The following TMC2 variants were observed in gnomAD, a reference collection of about 807,000 sequenced individuals.
TMC2 encodes transmembrane channel like 2.
A neutral mutation model predicts 105.9 loss-of-function variants in TMC2; 102 were observed. That is an observed-to-expected ratio of 0.96 (90% confidence interval 0.82 to 1.14). The LOEUF (loss-of-function observed/expected upper bound fraction) is 1.14. Ranked by LOEUF, TMC2 falls within the 50% of genes most tolerant of loss-of-function variation. The pLI is 0.00. For synonymous variants in TMC2, 402 were observed against 422.8 expected (o/e 0.95, Z 0.60); for missense variants, 1,093 against 1,134.3 (o/e 0.96, Z 0.52).
intron 5 of TMC2, 27 bp downstream of exon 5, chr20:2,572,296 G>C (rs11906009): frequency 0.1 from 162,676 of 1,559,140 alleles, 9,661 homozygotes; most frequent in African/African-American, 0.21. Flanking sequence ...CAGTGAATCT[G>C]TTGGGAGGGC....
chr20:2,572,079 A>G, intron 4 of TMC2, 100 bp from the exon 5 acceptor site: 1 of 885,716 alleles, frequency 1.1e-6, no homozygotes, highest in Non-Finnish European at 1.8e-6. Flanking sequence ...GGGGTATACA[A>G]AGACATAAGC....
chr20:2,592,370 G>A lies in TMC2; in HGVS notation c.895G>A (p.Glu299Lys). ...PRKTVPRAEE[E>K]KAMDFSVLWD... ...AAAGACAGTGCCTCGGGCTGAGGAA[G>A]AAAAGGCCATGGATTTTTCTGTCCT... The change falls in exon 8 of 20, where the codon GAA becomes AAA. Residue 299 changes from glutamate (E) to lysine (K), a missense_variant. Transcript: ENST00000358864. This position sits in a 1 kb window ranked among gnomAD's most constrained non-coding sequence, Gnocchi z 4.9. The A allele has an allele frequency of 2.5e-6, 4 of 1,614,088 alleles. No homozygotes were observed. In the East Asian group the frequency reaches 8.9e-5, roughly 36 times the overall value.
intron 5 of TMC2, among the ~76,000 whole-genome samples, chr20:2,575,833 T>G (rs2086140547): frequency 6.6e-6 from 1 of 152,188 alleles, no homozygotes; most frequent in South Asian, 2.1e-4. Context: ...TTCCTCTGTG[T>G]CAATTATAGT....
At chr20:2,595,313 G>A (rs1054942251) in intron 9 of TMC2, among the ~76,000 whole-genome samples, 36 of 152,324 alleles carry the variant, frequency 2.4e-4, no homozygotes, top group Admixed American at 3.9e-4. Flanking sequence ...TGTGGCTTGA[G>A]AGGGAGCATA....
chr20:2,623,680 C>T (rs1229434826), intron 16 of TMC2, among the ~76,000 whole-genome samples: 1 of 152,212 alleles, frequency 6.6e-6, no homozygotes, highest in African/African-American at 2.4e-5. Flanking sequence ...GAGCCAGCAG[C>T]ATCCAGGAGT....
At chr20:2,588,393 C>T (rs2086245281) in intron 7 of TMC2, among the ~76,000 whole-genome samples, 2 of 152,218 alleles carry the variant, frequency 1.3e-5, no homozygotes, top group African/African-American at 2.4e-5. Flanking sequence ...TGATTTCAGT[C>T]TGGTGAGACC....
rs1434476858 is a variant in TMC2, at chr20:2,567,556, A to C, written c.555-4623A>C. Reference sequence around the variant, plus strand: ...AATTGTCTGACAAAGGTTTTATTTTATTTATTTTTATTTTTTATTTTTGTA... The same window carrying C: ...AATTGTCTGACAAAGGTTTTATTTTCTTTATTTTTATTTTTTATTTTTGTA... On this transcript the variant is annotated intron_variant, in intron 4 of 19. Coordinates refer to ENST00000358864, the MANE Select transcript of TMC2 (RefSeq NM_080751.3). 4.6e-5 allele frequency among the ~76,000 whole-genome samples: 7 copies of C among 152,070 alleles called. No homozygotes were observed. The East Asian group carries it at 1.3e-3, about 29-fold the overall frequency.
At chr20:2,604,099 A>G (rs914731502) in intron 11 of TMC2, among the ~76,000 whole-genome samples, 9 of 152,234 alleles carry the variant, frequency 5.9e-5, no homozygotes, top group African/African-American at 1.7e-4. Context: ...TCATTCAGGC[A>G]CTGGCCAGCA....
At position 2,617,477 on chromosome 20, in the gene TMC2, T is replaced by C. The variant is rs1161782760; in HGVS notation, c.2180+166T>C. 6.6e-6 allele frequency: 6 copies of C among 912,520 alleles called. No individual in the cohort carries two copies. In the African/African-American group the frequency reaches 6.7e-5, roughly 10 times the overall value. 56.5% of individuals were successfully genotyped at this position (912,520 alleles called of 1,614,324 possible). Reference sequence around the variant, plus strand: ...AGAGGGTTTTCTGCCAGGATGGAAATGTTAGGTCGTTCTGTGTCTGCGCTG... The same window carrying C: ...AGAGGGTTTTCTGCCAGGATGGAAACGTTAGGTCGTTCTGTGTCTGCGCTG... On this transcript the variant is annotated intron_variant, in intron 16 of 19. Coordinates refer to ENST00000358864, the MANE Select transcript of TMC2 (RefSeq NM_080751.3).
At chr20:2,608,623 T>C (rs981912683) in intron 11 of TMC2, among the ~76,000 whole-genome samples, 2 of 152,124 alleles carry the variant, frequency 1.3e-5, no homozygotes, top group African/African-American at 4.8e-5. Flanking sequence ...CCACTGCACC[T>C]AGCCCCCAAT....
chr20:2,543,379 G>C (rs1473199583), intron 2 of TMC2, among the ~76,000 whole-genome samples: 1 of 152,202 alleles, frequency 6.6e-6, no homozygotes, highest in Non-Finnish European at 1.5e-5. Context: ...CTTACAGAGG[G>C]GAAGGAAGGC....
rs2085997316 is a variant in TMC2 at position 2,558,343 on chromosome 20, A to G, written c.83-113A>G. 2 of 1,499,944 alleles carry G rather than the reference A, an allele frequency of 1.3e-6. No homozygotes were observed. The highest frequency in any genetic ancestry group is 1.4e-5 in the African/African-American group (1 of 71,510). 92.9% of individuals were successfully genotyped at this position (1,499,944 alleles called of 1,614,324 possible). A position where few individuals can be genotyped will look rare whatever the true frequency, so the allele number is the denominator to read the frequency against. On this transcript the variant is annotated intron_variant, in intron 2 of 19. Coordinates refer to ENST00000358864, the MANE Select transcript of TMC2 (RefSeq NM_080751.3). This position sits in a 1 kb window ranked among gnomAD's most constrained non-coding sequence, Gnocchi z 4.6. ...TGGGGTGTCCTGTTCTGAGCCCCGC[A>G]GAGCTCACAAGCTCTCGGAATCATC...
rs577050249 is a variant in TMC2 at position 2,643,466 on chromosome 20, T to C, written c.*2115T>C. Among the ~76,000 whole-genome samples the C allele has an allele frequency of 2.0e-5, 3 of 152,348 alleles. No individual in the cohort carries two copies. Among genetic ancestry groups the C allele is most frequent in the Admixed American group, 6.5e-5 (1 of 15,308 alleles). ...CACCACAAACACAAACCAACCATCC[T>C]GATCTGATGAAGTGTAATTTTATGT... On this transcript the variant is annotated 3_prime_UTR_variant, in exon 20 of 20. Coordinates refer to ENST00000358864, the MANE Select transcript of TMC2 (RefSeq NM_080751.3).
chr20:2,589,325 G>GTGTGTGTGTGTGT (rs2086253293), intron 7 of TMC2, among the ~76,000 whole-genome samples: 2 of 28,688 alleles, frequency 7.0e-5, no homozygotes, highest in Non-Finnish European at 1.3e-4. Flanking sequence ...TGTGTGTGTG[G>GTGTGTGTGTGTGT]AGATGGGGTT....
At chr20:2,624,504 A>G in intron 17 of TMC2, 108 bp downstream of exon 17, 7 of 1,285,404 alleles carry the variant, frequency 5.4e-6, no homozygotes, top group Non-Finnish European at 7.4e-6. Flanking sequence ...CACTCCCCAG[A>G]AGCAGAATCC....
chr20:2,598,217 T>C (rs1399260836), intron 10 of TMC2, among the ~76,000 whole-genome samples: 2 of 150,836 alleles, frequency 1.3e-5, no homozygotes, highest in Non-Finnish European at 3.0e-5. Flanking sequence ...AAAAAGAATT[T>C]GAACTTGGTA....
intron 10 of TMC2, among the ~76,000 whole-genome samples, chr20:2,599,295 T>TAAAAAAAAAAAAAAAAA (rs11473820): frequency 7.9e-6 from 1 of 126,832 alleles, no homozygotes. Context: ...GGGATAATGT[T>TAAAAAAAAAAAAAAAAA]AAAAAAAAAA....
chr20:2,587,318 T>G (rs1281684165), intron 7 of TMC2, among the ~76,000 whole-genome samples: 1 of 152,200 alleles, frequency 6.6e-6, no homozygotes, highest in Non-Finnish European at 1.5e-5. Context: ...TATATTGATT[T>G]ATTTTCAAAT....
intron 2 of TMC2, among the ~76,000 whole-genome samples, chr20:2,548,190 C>T (rs1211345312): frequency 6.6e-6 from 1 of 152,224 alleles, no homozygotes; most frequent in Non-Finnish European, 1.5e-5. Flanking sequence ...CAAACACACA[C>T]ATCTTGTATA....
Sources: gnomAD v4.1 joint callset for allele counts (sites outside exome capture counted in the v4.1 genomes callset) on GRCh38, gnomAD v4.1.1 for gene constraint, Gnocchi (gnomAD v3.1) non-coding constraint, MANE v1.5 for transcripts, NCBI Gene and HGNC (gene_info 2026-07-23, HGNC 2026-07-21) for gene names.